CAMK1D: variants seen among roughly 807,000 people sequenced by gnomAD.
CAMK1D encodes calcium/calmodulin-dependent protein kinase type 1D.
CAMK1D carries 9 observed loss-of-function variants against 47.7 expected under a neutral mutation model. The observed-to-expected ratio is 0.19, with a 90% CI of 0.11 to 0.33. The LOEUF (loss-of-function observed/expected upper bound fraction) is 0.33. Ranked by LOEUF, CAMK1D falls within the 10% of genes least tolerant of loss-of-function variation. The pLI, the probability that CAMK1D is intolerant of heterozygous loss-of-function variation, is 1.00. For missense variants in CAMK1D, 291 were observed against 488.7 expected (o/e 0.60, Z 3.81); for synonymous variants, 184 against 184.9 (o/e 0.99, Z 0.04).
intron 2 of CAMK1D, among the ~76,000 whole-genome samples, chr10:12,588,889 C>T (rs4747993): frequency 0.8 from 117,214 of 147,194 alleles, 47,230 homozygotes; most frequent in Non-Finnish European, 0.88. Flanking sequence ...TGTGTGCGTG[C>T]GTGTGTGTGT....
In CAMK1D at chr10:12,791,089, C is replaced by G. The variant is rs139311431; in HGVS notation, c.566-69C>G. On this transcript the variant is annotated intron_variant, in intron 5 of 10. Coordinates refer to ENST00000619168, the MANE Select transcript of CAMK1D (RefSeq NM_153498.4). ...CTGAAAGTTCAGGCCAAATAGCAGA[C>G]CCCAAAAACTGTCTTCAGTCCGAGG... is the stretch of plus-strand genomic sequence containing the variant. 3,316 of 1,430,816 alleles carry G rather than the reference C, an allele frequency of 2.3e-3. 4 individuals are homozygous for G. The highest frequency in any genetic ancestry group is 3.1e-3 in the Non-Finnish European group (3,113 of 1,017,130). 88.6% of individuals were successfully genotyped at this position (1,430,816 alleles called of 1,614,324 possible).
chr10:12,467,809 G>A (rs1487596038), intron 1 of CAMK1D, among the ~76,000 whole-genome samples: 1 of 152,158 alleles, frequency 6.6e-6, no homozygotes, highest in Non-Finnish European at 1.5e-5. Context: ...ATTATCTCTT[G>A]ATTGGTCTTT....
chr10:12,627,933 T>A (rs1467347556), intron 2 of CAMK1D, among the ~76,000 whole-genome samples: 1 of 151,944 alleles, frequency 6.6e-6, no homozygotes, highest in Non-Finnish European at 1.5e-5. Context: ...CAAAAAAATT[T>A]AGCCAGGCGT....
At chr10:12,576,919 G>A (rs529836269) in intron 2 of CAMK1D, among the ~76,000 whole-genome samples, 1 of 152,330 alleles carries the variant, frequency 6.6e-6, no homozygotes, top group Non-Finnish European at 1.5e-5. Flanking sequence ...GAGAGCTGGA[G>A]TGTCTGGCAG....
At chr10:12,383,433 C>T (rs1367135990) in intron 1 of CAMK1D, among the ~76,000 whole-genome samples, 1 of 152,042 alleles carries the variant, frequency 6.6e-6, no homozygotes, top group East Asian at 1.9e-4. Flanking sequence ...ACTTGCAACT[C>T]GGGGAAATGT....
intron 4 of CAMK1D, among the ~76,000 whole-genome samples, chr10:12,765,540 T>C (rs1260668079): frequency 1.3e-5 from 2 of 152,246 alleles, no homozygotes; most frequent in Non-Finnish European, 2.9e-5. Context: ...GGTCCAGTTT[T>C]TAGCAAGAAT....
chr10:12,427,941 T>C (rs2801474), intron 1 of CAMK1D, among the ~76,000 whole-genome samples: 142,819 of 151,564 alleles, frequency 0.94, 67,881 homozygotes, highest in East Asian at 1. Context: ...CTCCTGACCT[T>C]GTGATCCTCC....
At chr10:12,439,143 G>T (rs74453931) in intron 1 of CAMK1D, among the ~76,000 whole-genome samples, 5 of 152,170 alleles carry the variant, frequency 3.3e-5, no homozygotes, top group Admixed American at 3.3e-4. Context: ...GTTCCATTGC[G>T]CAGGCTGTCT....
chr10:12,476,066 G>T (rs558501847), intron 1 of CAMK1D, among the ~76,000 whole-genome samples: 1 of 152,010 alleles, frequency 6.6e-6, no homozygotes, highest in African/African-American at 2.4e-5. Flanking sequence ...GCCGAGGGGG[G>T]GCGGATCACG....
intron 2 of CAMK1D, among the ~76,000 whole-genome samples, chr10:12,627,837 T>C (rs1839266229): frequency 6.6e-6 from 1 of 152,140 alleles, no homozygotes; most frequent in South Asian, 2.1e-4. Flanking sequence ...TCCGAAATTT[T>C]GGGAGGCCGA....
At chr10:12,624,306 T>C (rs544666136) in intron 2 of CAMK1D, among the ~76,000 whole-genome samples, 47 of 152,280 alleles carry the variant, frequency 3.1e-4, no homozygotes, top group African/African-American at 1.1e-3. Flanking sequence ...TGCAATACAT[T>C]ATTGTTGACT....
intron 3 of CAMK1D, among the ~76,000 whole-genome samples, chr10:12,739,337 G>A (rs1200713073): frequency 2.0e-5 from 3 of 150,842 alleles, no homozygotes; most frequent in African/African-American, 2.4e-5. Flanking sequence ...GCACAGTTGC[G>A]CCATCTTGGC....
intron 2 of CAMK1D, among the ~76,000 whole-genome samples, chr10:12,643,534 A>C (rs1405967058): frequency 1.3e-5 from 2 of 152,118 alleles, no homozygotes; most frequent in African/African-American, 2.4e-5. Context: ...CAGGAGCACG[A>C]GCCCTATGAT....
Position 12,557,712 on chromosome 10 carries a change from G to A in CAMK1D, c.224+4356G>A, listed in dbSNP as rs944678901. ...TTCCTGACTGTTTGTTGATTTCCAC[G>A]CTATTTGTGTTTGTTTCCTGGCCAT... is the stretch of plus-strand genomic sequence containing the variant. On this transcript the variant is annotated intron_variant, in intron 2 of 10. Coordinates refer to ENST00000619168, the MANE Select transcript of CAMK1D (RefSeq NM_153498.4). 5.3e-5 allele frequency among the ~76,000 whole-genome samples: 8 copies of A among 151,974 alleles called. No individual in the cohort carries two copies. In the South Asian group the frequency reaches 1.2e-3, roughly 24 times the overall value.
At position 12,805,088 on chromosome 10, in the gene CAMK1D, G is replaced by A. The variant is rs190099541; in HGVS notation, c.642-9107G>A. ...ATCCTGGCCAACATGGTGAAACCCC[G>A]TCTCTACTAAAAATACAAAAATTAG... On this transcript the variant is annotated intron_variant, in intron 6 of 10. Coordinates refer to ENST00000619168, the MANE Select transcript of CAMK1D (RefSeq NM_153498.4). 6.0e-4 allele frequency among the ~76,000 whole-genome samples: 91 copies of A among 151,684 alleles called. No homozygotes were observed. In the East Asian group the frequency reaches 0.014, roughly 24 times the overall value.
At chr10:12,802,484 A>G (rs368035022) in intron 6 of CAMK1D, among the ~76,000 whole-genome samples, 1 of 152,184 alleles carries the variant, frequency 6.6e-6, no homozygotes, top group Non-Finnish European at 1.5e-5. Context: ...AACATTCCGC[A>G]TTGATTTTGG....
intron 2 of CAMK1D, among the ~76,000 whole-genome samples, chr10:12,602,910 A>ATTATTATTATTG (rs1838346969): frequency 6.8e-6 from 1 of 146,820 alleles, no homozygotes; most frequent in East Asian, 2.0e-4. Flanking sequence ...TATTATTATT[A>ATTATTATTATTG]TTATTATTAT....
chr10:12,350,937 AG>A (rs1357372126), intron 1 of CAMK1D, among the ~76,000 whole-genome samples: 2 of 152,142 alleles, frequency 1.3e-5, no homozygotes, highest in African/African-American at 4.8e-5. Context: ...GGGAAGAGAA[AG>A]GGGAGCTATT....
At chr10:12,428,961 C>G (rs1018791152) in intron 1 of CAMK1D, among the ~76,000 whole-genome samples, 1 of 152,238 alleles carries the variant, frequency 6.6e-6, no homozygotes, top group African/African-American at 2.4e-5. Flanking sequence ...TCTTGGACCT[C>G]CAGCCTCCAA....
Sources: allele counts gnomAD v4.1 joint callset (sites outside exome capture counted in the v4.1 genomes callset), GRCh38; gene constraint gnomAD v4.1.1; transcripts MANE v1.5; gene names NCBI Gene and HGNC (gene_info 2026-07-23, HGNC 2026-07-21).